CWC25: variants seen among roughly 807,000 people sequenced by gnomAD.
CWC25 encodes CWC25 spliceosome associated protein, also known as pre-mRNA-splicing factor CWC25 homolog.
CWC25 carries 31 observed loss-of-function variants against 54.6 expected under a neutral mutation model. The ratio of observed to expected loss-of-function variants is 0.57; its 90% CI spans 0.43 to 0.77. The LOEUF is 0.77. CWC25 is among the 30% of genes least tolerant of loss of function. The pLI, the probability that CWC25 is intolerant of heterozygous loss-of-function variation, is 0.00. For synonymous variants in CWC25, 151 were observed against 187.0 expected, an observed-to-expected ratio of 0.81 and a Z score of 1.57; for missense variants, 453 against 529.3, an observed-to-expected ratio of 0.86 and a Z score of 1.41.
chr17:38,815,534 G>A (rs374234429), intron 2 of CWC25: 92 of 583,696 alleles, frequency 1.6e-4, no homozygotes, highest in Non-Finnish European at 2.4e-4. Context: ...CCTGGGTGAC[G>A]GAGCCAGACC....
chr17:38,816,552 T>C (rs943769729), intron 2 of CWC25, among the ~76,000 whole-genome samples: 3 of 150,724 alleles, frequency 2.0e-5, no homozygotes, highest in Non-Finnish European at 4.4e-5. Context: ...ATGCCCAACC[T>C]GAATATGACT....
Position 38,801,709 on chromosome 17 carries a change from T to C in CWC25, c.*383A>G, listed in dbSNP as rs975872725. ...TCTCAGTAAGCACAATCTATCTGGG[T>C]GACACCAGAGAGGTTTCTGAAGGGT... On this transcript the variant is annotated 3_prime_UTR_variant, in exon 10 of 10. Transcript: ENST00000614790. The C allele has an allele frequency of 6.1e-6, 1 of 165,048 alleles. No individual in the cohort carries two copies. Among genetic ancestry groups the C allele is most frequent in the Non-Finnish European group, 1.3e-5 (1 of 77,164 alleles). 10.2% of individuals were successfully genotyped at this position (165,048 alleles called of 1,614,324 possible).
chr17:38,818,254 C>T (rs976183298), intron 2 of CWC25, among the ~76,000 whole-genome samples: 15 of 151,046 alleles, frequency 9.9e-5, no homozygotes, highest in Non-Finnish European at 1.9e-4. Flanking sequence ...CCAGCCCGGG[C>T]GACAGAATGA....
At chr17:38,825,138 T>C in intron 1 of CWC25, 28 bp downstream of exon 1, 5 of 1,373,956 alleles carry the variant, frequency 3.6e-6, no homozygotes, top group Admixed American at 2.6e-5. Context: ...GCCTCAGTCC[T>C]CCCCCGCCCA....
chr17:38,811,395 T>G (rs983585587), intron 4 of CWC25, among the ~76,000 whole-genome samples: 2 of 151,884 alleles, frequency 1.3e-5, no homozygotes, highest in Admixed American at 6.6e-5. Flanking sequence ...TAGCTGGGCA[T>G]GGTAGCAGGC....
chr17:38,815,118 GAA>G (rs758620417), intron 2 of CWC25, 21 bp from the exon 3 acceptor site: 2 of 1,597,334 alleles, frequency 1.3e-6, no homozygotes, highest in Non-Finnish European at 1.7e-6. Flanking sequence ...GGAAGAAAAA[GAA>G]ATACAATTTC....
In CWC25 at chr17:38,802,154, G is replaced by A. The variant is rs538560317; in HGVS notation, c.1216C>T (p.Arg406Trp). The A allele has an allele frequency of 4.3e-6, 7 of 1,613,882 alleles. No homozygotes were observed. In the South Asian group the frequency reaches 5.5e-5, roughly 13 times the overall value. The change falls in exon 10 of 10, where the codon CGG (arginine) becomes TGG (tryptophan). Residue 406 changes from arginine to tryptophan, a missense_variant. Coordinates refer to ENST00000614790, the MANE Select transcript of CWC25 (RefSeq NM_017748.5). Reference sequence around the variant, plus strand: ...GTTCTCTGTAAAGAGTAGATATTCCGCTTCACCCGATCCTCCAGGGAGGAA... The same window carrying A: ...GTTCTCTGTAAAGAGTAGATATTCCACTTCACCCGATCCTCCAGGGAGGAA... Reference protein sequence around the residue: ...STSSLEDRVKRNIYSLQRTSV... With the variant: ...STSSLEDRVKWNIYSLQRTSV...
intron 3 of CWC25, among the ~76,000 whole-genome samples, chr17:38,814,512 G>A (rs1017227493): frequency 6.6e-4 from 100 of 151,358 alleles, no homozygotes; most frequent in Non-Finnish European, 1.2e-3. Flanking sequence ...AGGCCGAGGC[G>A]GGCGGATCAC....
intron 2 of CWC25, among the ~76,000 whole-genome samples, chr17:38,818,844 T>A (rs890874740): frequency 3.3e-5 from 5 of 152,084 alleles, no homozygotes; most frequent in Non-Finnish European, 5.9e-5. Flanking sequence ...TCTACAGTTG[T>A]GCATCTGTAC....
rs878969757 is a variant in CWC25 at position 38,802,851 on chromosome 17, CAG to C, written c.1010_1011del (p.Ser337CysfsTer31). 8.1e-6 allele frequency: 13 copies of C among 1,613,798 alleles called. No individual in the cohort carries two copies. Among genetic ancestry groups the C allele is most frequent in the African/African-American group, 1.3e-5 (1 of 74,916 alleles). On this transcript the variant is annotated frameshift_variant, in exon 9 of 10. Transcript: ENST00000614790. LOFTEE classifies it high-confidence loss of function. ...RHAPGYTRKL[S>X]AEELERKRQE... ...TGCCGTTTTCGCTCTAATTCCTCTG[CAG>C]AGAGTTTTCTGTTGAGCACAGAAAC...
chr17:38,802,555 G>T, intron 9 of CWC25, 145 bp downstream of exon 9: 2 of 800,078 alleles, frequency 2.5e-6, no homozygotes, highest in Non-Finnish European at 3.9e-6. Context: ...CCACTGTGTG[G>T]TCAGAAAGGA....
At chr17:38,824,571 A>G (rs1264796884) in intron 1 of CWC25, among the ~76,000 whole-genome samples, 1 of 152,136 alleles carries the variant, frequency 6.6e-6, no homozygotes, top group Non-Finnish European at 1.5e-5. Context: ...CTGTAATCCC[A>G]GCTACTCGGG....
At chr17:38,819,430 A>G (rs567845033) in intron 2 of CWC25, among the ~76,000 whole-genome samples, 2 of 145,260 alleles carry the variant, frequency 1.4e-5, no homozygotes, top group African/African-American at 2.5e-5. Context: ...ACACTGGCGC[A>G]ATCTCAGCTC....
At chr17:38,806,506 G>T in intron 7 of CWC25, 111 bp from the exon 8 acceptor site, 1 of 1,005,882 alleles carries the variant, frequency 9.9e-7, no homozygotes, top group Non-Finnish European at 1.5e-6. Flanking sequence ...TATAATCTAA[G>T]TGTGAGAAAA....
In CWC25 at chr17:38,812,919, G is replaced by C. The variant is rs1555548263; in HGVS notation, c.429-55C>G. ...CTATTTCTTTTCTCCAAATTCTATG[G>C]AGTAACCTTTTCTCCAAACATATAC... On this transcript the variant is annotated intron_variant, in intron 3 of 9. Coordinates refer to ENST00000614790, the MANE Select transcript of CWC25 (RefSeq NM_017748.5). The C allele has an allele frequency of 1.7e-5, 17 of 1,001,112 alleles. No homozygotes were observed. In the South Asian group the frequency reaches 2.1e-4, roughly 12 times the overall value. 62.0% of individuals were successfully genotyped at this position (1,001,112 alleles called of 1,614,324 possible). A position where few individuals can be genotyped will look rare whatever the true frequency, so the allele number is the denominator to read the frequency against.
chr17:38,810,590 T>C lies in CWC25; in HGVS notation c.504A>G (p.Gln168=), dbSNP rs1194624321. The C allele has an allele frequency of 2.1e-6, 3 of 1,444,068 alleles. No homozygotes were observed. The highest frequency in any genetic ancestry group is 2.0e-5 in the Admixed American group (1 of 51,086). The allele number at this position is 1,444,068 out of a possible 1,614,324, so 89.5% of individuals were successfully genotyped here. A position where few individuals can be genotyped will look rare whatever the true frequency, so the allele number is the denominator to read the frequency against. Residue 168 remains glutamine (Q), a synonymous_variant, in exon 5 of 10, where the codon CAA becomes CAG. Transcript: ENST00000614790. ...TCTTCTCCTTTTTTTCCAGACTCAT[T>C]TGCAACTGGAAAATGCCGAGAACAC... is the stretch of plus-strand genomic sequence containing the variant. The part of the protein sequence containing the change: ...VKMKKIKELL[Q]MSLEKKEKKK...
intron 2 of CWC25, chr17:38,815,815 T>C (rs1911674069): frequency 8.7e-6 from 4 of 461,606 alleles, no homozygotes; most frequent in African/African-American, 6.1e-5. Flanking sequence ...ACATACGCAG[T>C]TGCATTGATT....
chr17:38,807,113 A>C (rs1162835703), intron 6 of CWC25, 137 bp from the exon 7 acceptor site: 11 of 602,004 alleles, frequency 1.8e-5, no homozygotes, highest in Middle Eastern at 4.1e-4. Flanking sequence ...ACCTGAGGTC[A>C]GGAGTTCGAG....
At chr17:38,804,305 A>G (rs1448829831) in intron 8 of CWC25, among the ~76,000 whole-genome samples, 1 of 152,172 alleles carries the variant, frequency 6.6e-6, no homozygotes, top group Non-Finnish European at 1.5e-5. Context: ...TAGGGATAGA[A>G]GAAACATGGG....
Sources: gnomAD v4.1 joint callset for allele counts (sites outside exome capture counted in the v4.1 genomes callset) on GRCh38, gnomAD v4.1.1 for gene constraint, MANE v1.5 for transcripts, NCBI Gene and HGNC (gene_info 2026-07-23, HGNC 2026-07-21) for gene names.